DIP2C: variants seen among roughly 807,000 people sequenced by gnomAD.
DIP2C encodes the protein DIP2 acetate--CoA ligase C (putative), also known as disco-interacting protein 2 homolog C.
A neutral mutation model predicts 192.4 loss-of-function variants in DIP2C; 33 were observed. That is an observed-to-expected ratio of 0.17 (90% CI 0.13 to 0.23). DIP2C has a LOEUF of 0.23. DIP2C is among the 10% of genes least tolerant of loss of function. The pLI, the probability that DIP2C is intolerant of heterozygous loss-of-function variation, is 1.00. For missense variants in DIP2C, 1,537 were observed against 2,110.1 expected, an observed-to-expected ratio of 0.73 and a Z score of 5.32; for synonymous variants, 979 against 864.1, an observed-to-expected ratio of 1.13 and a Z score of -2.33.
chr10:306,955 C>A (rs1956351848), intron 32 of DIP2C, among the ~76,000 whole-genome samples: 1 of 152,196 alleles, frequency 6.6e-6, no homozygotes, highest in South Asian at 2.1e-4. Flanking sequence ...GTCATGCAGG[C>A]AGATCCGTCA....
intron 10 of DIP2C, among the ~76,000 whole-genome samples, chr10:397,129 T>C (rs1050910099): frequency 4.6e-5 from 7 of 152,188 alleles, no homozygotes; most frequent in Non-Finnish European, 7.3e-5. Context: ...CAACAAACTT[T>C]AATGCTGGAG....
At chr10:521,917 G>A (rs1406177682) in intron 1 of DIP2C, among the ~76,000 whole-genome samples, 2 of 151,052 alleles carry the variant, frequency 1.3e-5, no homozygotes, top group African/African-American at 2.4e-5. Flanking sequence ...ACAAATGACA[G>A]ACCCGCATCA....
intron 1 of DIP2C, among the ~76,000 whole-genome samples, chr10:575,903 G>A (rs978650236): frequency 1.3e-5 from 2 of 152,178 alleles, no homozygotes; most frequent in African/African-American, 2.4e-5. Context: ...TCTCCTCCAT[G>A]GTAACAGCTG....
intron 1 of DIP2C, among the ~76,000 whole-genome samples, chr10:647,502 G>T (rs957654773): frequency 1.4e-5 from 2 of 140,090 alleles, no homozygotes; most frequent in Non-Finnish European, 3.0e-5. Context: ...CGGTGGGCGA[G>T]AACAGGGAAA....
intron 18 of DIP2C, 100 bp from the exon 19 acceptor site, chr10:366,511 G>GA: frequency 6.5e-7 from 1 of 1,530,078 alleles, no homozygotes; most frequent in Non-Finnish European, 8.9e-7. Context: ...CAGTGAACAG[G>GA]AATGGGGTCT....
At chr10:535,481 T>C (rs192875348) in intron 1 of DIP2C, among the ~76,000 whole-genome samples, 2 of 152,222 alleles carry the variant, frequency 1.3e-5, no homozygotes, top group Admixed American at 1.3e-4. Context: ...CTGTAATCTT[T>C]GGTAATGAGG....
At chr10:288,531 G>A (rs1314439887) in intron 32 of DIP2C, 110 bp from the exon 33 acceptor site, 24 of 1,151,696 alleles carry the variant, frequency 2.1e-5, no homozygotes, top group Non-Finnish European at 7.7e-6. Flanking sequence ...AGCTGATTCT[G>A]AGCATCATCC....
At chr10:327,888 G>A (rs2132448279) in intron 30 of DIP2C, among the ~76,000 whole-genome samples, 1 of 152,276 alleles carries the variant, frequency 6.6e-6, no homozygotes, top group East Asian at 1.9e-4. Context: ...GAGCACAACA[G>A]AAAAAGTCAT....
intron 35 of DIP2C, among the ~76,000 whole-genome samples, chr10:282,907 T>C (rs913138702): frequency 6.6e-6 from 1 of 152,252 alleles, no homozygotes; most frequent in African/African-American, 2.4e-5. Context: ...CTGTCTCAGA[T>C]GGACCCCGTG....
intron 3 of DIP2C, among the ~76,000 whole-genome samples, chr10:468,256 T>C (rs1970381527): frequency 6.6e-6 from 1 of 152,140 alleles, no homozygotes; most frequent in Non-Finnish European, 1.5e-5. Flanking sequence ...AACTCACAAC[T>C]AGATTCCTGT....
chr10:278,798 G>A (rs1177424303), intron 36 of DIP2C, among the ~76,000 whole-genome samples: 9 of 152,190 alleles, frequency 5.9e-5, no homozygotes, highest in Admixed American at 4.6e-4. Context: ...ATATTTAATG[G>A]CTTTTGGAAC....
intron 29 of DIP2C, among the ~76,000 whole-genome samples, chr10:337,060 G>GTGTGTA (rs1957833106): frequency 7.3e-6 from 1 of 137,794 alleles, no homozygotes; most frequent in South Asian, 2.5e-4. Context: ...GTGTGTGTGT[G>GTGTGTA]TGTGTGTGTG....
chr10:419,210 A>G lies in DIP2C; in HGVS notation c.605-11T>C. ...GTGCAGAATGATTTTCTGTAAAGAA[A>G]CACATCATGAGATTTTCTGGTGGTT... On this transcript the variant is annotated splice_polypyrimidine_tract_variant and intron_variant, in intron 5 of 36. Coordinates refer to ENST00000280886, the MANE Select transcript of DIP2C (RefSeq NM_014974.3). 4 of 1,614,146 alleles carry G rather than the reference A, an allele frequency of 2.5e-6. No homozygotes were observed. The South Asian group carries it at 4.4e-5, about 18-fold the overall frequency.
At chr10:453,422 T>C (rs971193283) in intron 3 of DIP2C, among the ~76,000 whole-genome samples, 16 of 152,202 alleles carry the variant, frequency 1.1e-4, no homozygotes, top group Non-Finnish European at 1.3e-4. Context: ...GGACATACAG[T>C]GTCAAAGACT....
intron 1 of DIP2C, among the ~76,000 whole-genome samples, chr10:550,436 G>C (rs1478994919): frequency 6.6e-6 from 1 of 152,210 alleles, no homozygotes; most frequent in Non-Finnish European, 1.5e-5. Context: ...AGACGCTGCA[G>C]TTCCACACCG....
chr10:456,884 T>A (rs1250790203), intron 3 of DIP2C, among the ~76,000 whole-genome samples: 1 of 152,262 alleles, frequency 6.6e-6, no homozygotes, highest in African/African-American at 2.4e-5. Flanking sequence ...TATTTTATCC[T>A]CACTCATTCC....
At chr10:475,343 G>A (rs981381262) in intron 2 of DIP2C, among the ~76,000 whole-genome samples, 1 of 152,190 alleles carries the variant, frequency 6.6e-6, no homozygotes, top group African/African-American at 2.4e-5. Context: ...GTCACTGACA[G>A]CACAGTTGGG....
intron 30 of DIP2C, 80 bp from the exon 31 acceptor site, chr10:327,256 C>G: frequency 2.0e-6 from 3 of 1,480,516 alleles, no homozygotes; most frequent in Non-Finnish European, 2.7e-6. Context: ...CCCACAGATC[C>G]CCACGTAAAC....
At chr10:360,411 T>C (rs917894598) in intron 22 of DIP2C, among the ~76,000 whole-genome samples, 5 of 152,168 alleles carry the variant, frequency 3.3e-5, no homozygotes, top group Non-Finnish European at 7.3e-5. Context: ...GAGGCTCATG[T>C]CTCTTTTCTC....
Sources: gnomAD v4.1 joint callset for allele counts (sites outside exome capture counted in the v4.1 genomes callset) on GRCh38, gnomAD v4.1.1 for gene constraint, MANE v1.5 for transcripts, NCBI Gene and HGNC (gene_info 2026-07-23, HGNC 2026-07-21) for gene names.